The following KATNIP variants were observed in gnomAD, a reference collection of about 807,000 sequenced individuals.
KATNIP encodes the protein katanin-interacting protein.
In KATNIP, 126 loss-of-function variants were observed where a neutral mutation model predicts 174.0. That is an observed-to-expected ratio of 0.72 (90% CI 0.63 to 0.84). The LOEUF (loss-of-function observed/expected upper bound fraction) is 0.84, where lower values mean the gene tolerates loss of function less well. Ranked by LOEUF, KATNIP falls within the 40% of genes least tolerant of loss-of-function variation. KATNIP has a pLI of 0.00. For missense variants in KATNIP, 1,958 were observed against 2,109.7 expected (o/e 0.93, Z 1.41); for synonymous variants, 810 against 835.7 (o/e 0.97, Z 0.53).
At chr16:27,563,021 A>G (rs1218778689) in intron 1 of KATNIP, among the ~76,000 whole-genome samples, 1 of 152,150 alleles carries the variant, frequency 6.6e-6, no homozygotes, top group East Asian at 1.9e-4. Context: ...TCGTTCATCC[A>G]TTTCAGAAAT....
intron 8 of KATNIP, among the ~76,000 whole-genome samples, chr16:27,684,494 A>T (rs991739920): frequency 6.6e-6 from 1 of 152,224 alleles, no homozygotes; most frequent in Non-Finnish European, 1.5e-5. Flanking sequence ...CATGCTCATC[A>T]ATATATATAT....
chr16:27,555,706 C>T (rs1273614915), intron 1 of KATNIP, among the ~76,000 whole-genome samples: 1 of 152,092 alleles, frequency 6.6e-6, no homozygotes, highest in Non-Finnish European at 1.5e-5. Flanking sequence ...TGTGATGGTG[C>T]ATGCCTGTAA....
intron 18 of KATNIP, chr16:27,754,603 C>A (rs1389015232): frequency 4.6e-6 from 1 of 217,800 alleles, no homozygotes; most frequent in South Asian, 8.7e-5. Flanking sequence ...CTGAAGAGAC[C>A]CAAGGCATCT....
At position 27,777,993 on chromosome 16, in the gene KATNIP, A is replaced by G; in HGVS notation, c.4801+24A>G. ...AGGTCAGTGGCGTTTCTCTGCCCAG[A>G]GCATTGTGCCTTGGGAGCTCGGTCT... On this transcript the variant is annotated intron_variant, in intron 27 of 27. Transcript: ENST00000261588. This position sits in a 1 kb window ranked among gnomAD's most constrained non-coding sequence, Gnocchi z 4.4. The G allele has an allele frequency of 1.2e-6, 2 of 1,606,086 alleles. No homozygotes were observed. The highest frequency in any genetic ancestry group is 1.7e-6 in the Non-Finnish European group (2 of 1,172,962).
intron 2 of KATNIP, among the ~76,000 whole-genome samples, chr16:27,607,059 T>C (rs1012616019): frequency 2.6e-5 from 4 of 152,068 alleles, no homozygotes; most frequent in Non-Finnish European, 5.9e-5. Flanking sequence ...TTGGGAGGCA[T>C]AGCTTGGGAA....
Position 27,648,597 on chromosome 16 carries a change from T to G in KATNIP, c.409-7T>G. ...CCTTATCTGAAATGGCCTGCATTTTTGTACAGAAATCTGTGCAGATCAGAA... is the reference window on the plus strand; with the variant it reads ...CCTTATCTGAAATGGCCTGCATTTTGGTACAGAAATCTGTGCAGATCAGAA... On this transcript the variant is annotated splice_polypyrimidine_tract_variant and splice_region_variant and intron_variant, in intron 5 of 27. Coordinates refer to ENST00000261588, the MANE Select transcript of KATNIP (RefSeq NM_015202.5). 6.2e-7 allele frequency: 1 copy of G among 1,614,108 alleles called. No homozygotes were observed. Among genetic ancestry groups the G allele is most frequent in the Non-Finnish European group, 8.5e-7 (1 of 1,179,986 alleles).
Position 27,766,333 on chromosome 16 carries a change from C to A in KATNIP, c.3834C>A (p.Thr1278=), listed in dbSNP as rs369707979. The change falls in exon 20 of 28, where the codon ACC becomes ACA. Residue 1278 remains threonine, a synonymous_variant. Coordinates refer to ENST00000261588, the MANE Select transcript of KATNIP (RefSeq NM_015202.5). The stretch of plus-strand genomic sequence containing the variant: ...GGTTAATTGATGGCACCAACATCAC[C>A]ATGGAGGATGAGCATATGTGGCTGA... The part of the protein sequence containing the change: ...LDKLIDGTNI[T]MEDEHMWLIP... The A allele has an allele frequency of 1.3e-5, 21 of 1,614,170 alleles. No individual in the cohort carries two copies. The highest frequency in any genetic ancestry group is 1.8e-5 in the Non-Finnish European group (21 of 1,180,038).
At chr16:27,598,434 G>A (rs2141918426) in intron 2 of KATNIP, among the ~76,000 whole-genome samples, 1 of 152,302 alleles carries the variant, frequency 6.6e-6, no homozygotes, top group South Asian at 2.1e-4. Context: ...ATAGCCCAGA[G>A]TTGCGGCCAC....
chr16:27,726,597 G>A (rs1478627901), intron 14 of KATNIP, among the ~76,000 whole-genome samples: 1 of 152,234 alleles, frequency 6.6e-6, no homozygotes, highest in Non-Finnish European at 1.5e-5. Flanking sequence ...TGTTGGGGAA[G>A]GGACAATAAA....
At chr16:27,699,733 A>G (rs1211178253) in intron 10 of KATNIP, 134 bp downstream of exon 10, 3 of 1,178,158 alleles carry the variant, frequency 2.5e-6, no homozygotes, top group East Asian at 5.2e-5. Context: ...TTTCCTTCAC[A>G]CTGTCCTACC....
intron 1 of KATNIP, among the ~76,000 whole-genome samples, chr16:27,561,274 C>T (rs369542684): frequency 2.6e-5 from 4 of 151,826 alleles, no homozygotes; most frequent in Non-Finnish European, 5.9e-5. Flanking sequence ...CCACCTGCAT[C>T]GGCCTCCCAA....
chr16:27,606,500 GAC>G (rs949880749), intron 2 of KATNIP, among the ~76,000 whole-genome samples: 7 of 148,274 alleles, frequency 4.7e-5, no homozygotes, highest in Non-Finnish European at 7.4e-5. Flanking sequence ...CACACACACA[GAC>G]ACACACACAC....
At chr16:27,690,363 T>TAGATAGATA (rs397837255) in intron 8 of KATNIP, among the ~76,000 whole-genome samples, 2 of 90,986 alleles carry the variant, frequency 2.2e-5, no homozygotes, top group African/African-American at 9.4e-5. Context: ...GATAGATAGA[T>TAGATAGATA]GATAGATAGA....
intron 13 of KATNIP, among the ~76,000 whole-genome samples, chr16:27,719,628 G>A (rs528027680): frequency 8.9e-4 from 134 of 150,972 alleles, no homozygotes; most frequent in African/African-American, 3.1e-3. Flanking sequence ...TGATCCACCC[G>A]CCTCAGCCTC....
At chr16:27,730,493 A>AAATCTGGC (rs2080629719) in intron 14 of KATNIP, among the ~76,000 whole-genome samples, 1 of 151,932 alleles carries the variant, frequency 6.6e-6, no homozygotes, top group Non-Finnish European at 1.5e-5. Context: ...CCTGACCCCA[A>AAATCTGGC]AATCTGGCTC....
chr16:27,750,782 C>T (rs1478700175), intron 16 of KATNIP, among the ~76,000 whole-genome samples: 1 of 138,606 alleles, frequency 7.2e-6, no homozygotes, highest in African/African-American at 2.7e-5. Context: ...TCTTGCCCTG[C>T]ACAGTGGCAT....
rs184966756 is a variant in KATNIP at position 27,649,211 on chromosome 16, G to A, written c.540+476G>A. Among the ~76,000 whole-genome samples the A allele has an allele frequency of 4.6e-5, 7 of 152,234 alleles. No individual in the cohort carries two copies. The East Asian group carries it at 1.3e-3, about 29-fold the overall frequency. On this transcript the variant is annotated intron_variant, in intron 6 of 27. Coordinates refer to ENST00000261588, the MANE Select transcript of KATNIP (RefSeq NM_015202.5). ...CTGATAAATATTTCGAATACCACCCGCAGGGCGGCAGGAGCCACATGTTTA... is the reference window on the plus strand; with the variant it reads ...CTGATAAATATTTCGAATACCACCCACAGGGCGGCAGGAGCCACATGTTTA...
intron 1 of KATNIP, among the ~76,000 whole-genome samples, chr16:27,562,454 A>G (rs958166362): frequency 2.0e-5 from 3 of 152,220 alleles, no homozygotes; most frequent in African/African-American, 7.2e-5. Context: ...GTGGAGAAGG[A>G]ACACATCTCT....
intron 18 of KATNIP, chr16:27,755,042 A>G (rs1478937065): frequency 2.6e-5 from 4 of 152,478 alleles, no homozygotes; most frequent in Admixed American, 2.6e-4. Flanking sequence ...GTCACTGCTG[A>G]TTGTGATCTC....
Sources: allele counts gnomAD v4.1 joint callset (sites outside exome capture counted in the v4.1 genomes callset), GRCh38; gene constraint gnomAD v4.1.1; non-coding constraint Gnocchi (gnomAD v3.1); transcripts MANE v1.5; gene names NCBI Gene and HGNC (gene_info 2026-07-23, HGNC 2026-07-21).